The following PLPPR5 variants were observed in gnomAD, a reference collection of about 807,000 sequenced individuals.
PLPPR5 encodes the protein phospholipid phosphatase related 5.
A neutral mutation model predicts 33.9 loss-of-function variants in PLPPR5; 16 were observed. That is an observed-to-expected ratio of 0.47 (90% CI 0.32 to 0.72). PLPPR5 has a LOEUF of 0.72. Ranked by LOEUF, PLPPR5 falls within the 30% of genes least tolerant of loss-of-function variation. The pLI, the probability that PLPPR5 is intolerant of heterozygous loss-of-function variation, is 0.03. For synonymous variants in PLPPR5, 163 were observed against 150.3 expected, an observed-to-expected ratio of 1.08 and a Z score of -0.62; for missense variants, 301 against 406.7, an observed-to-expected ratio of 0.74 and a Z score of 2.23.
intron 3 of PLPPR5, among the ~76,000 whole-genome samples, chr1:98,926,594 C>T (rs1009014380): frequency 1.3e-5 from 2 of 151,932 alleles, no homozygotes; most frequent in East Asian, 3.9e-4. Context: ...TCAAGTTCCC[C>T]TTACCCTGGG....
chr1:98,976,219 A>G (rs1030714830), intron 1 of PLPPR5, among the ~76,000 whole-genome samples: 2 of 151,974 alleles, frequency 1.3e-5, no homozygotes, highest in African/African-American at 4.8e-5. Flanking sequence ...CACACATAGT[A>G]ATGAATCTTT....
intron 3 of PLPPR5, among the ~76,000 whole-genome samples, chr1:98,939,213 ATCT>A (rs1557676720): frequency 6.6e-6 from 1 of 151,860 alleles, no homozygotes; most frequent in Non-Finnish European, 1.5e-5. Context: ...ACCTATTCTT[ATCT>A]TAAAAATAAA....
intron 1 of PLPPR5, among the ~76,000 whole-genome samples, chr1:98,973,843 G>GA (rs1026828345): frequency 1.5e-4 from 22 of 151,580 alleles, no homozygotes; most frequent in African/African-American, 4.6e-4. Flanking sequence ...AGATCCAAGT[G>GA]AGGTGCCGGT....
chr1:98,997,731 T>C (rs1053523182), intron 1 of PLPPR5, among the ~76,000 whole-genome samples: 3 of 152,234 alleles, frequency 2.0e-5, no homozygotes, highest in African/African-American at 4.8e-5. Flanking sequence ...CAAGCAGTGC[T>C]AACCATCTCC....
intron 3 of PLPPR5, among the ~76,000 whole-genome samples, chr1:98,937,672 C>T (rs934877318): frequency 6.6e-6 from 1 of 152,106 alleles, no homozygotes; most frequent in Non-Finnish European, 1.5e-5. Context: ...TATCAAGTCA[C>T]CTTTGAAGTC....
chr1:98,961,725 A>T (rs771952698), intron 1 of PLPPR5, among the ~76,000 whole-genome samples: 10 of 152,142 alleles, frequency 6.6e-5, no homozygotes, highest in Non-Finnish European at 1.0e-4. Context: ...ACCAGGTCAT[A>T]TTGACTCTAA....
chr1:98,908,624 G>A (rs1281855277), intron 5 of PLPPR5, among the ~76,000 whole-genome samples: 1 of 152,118 alleles, frequency 6.6e-6, no homozygotes, highest in African/African-American at 2.4e-5. Flanking sequence ...AGGAGATTTG[G>A]ATCCCTGGGT....
intron 2 of PLPPR5, among the ~76,000 whole-genome samples, chr1:98,954,721 C>T (rs1321763924): frequency 6.6e-6 from 1 of 152,002 alleles, no homozygotes; most frequent in African/African-American, 2.4e-5. Flanking sequence ...TTGTTTGAAT[C>T]ATACAAAGTA....
intron 1 of PLPPR5, among the ~76,000 whole-genome samples, chr1:98,970,698 T>C (rs903620537): frequency 2.6e-5 from 4 of 151,886 alleles, no homozygotes; most frequent in African/African-American, 9.7e-5. Flanking sequence ...GTAAGGAAAC[T>C]GAGGCACAAA....
Position 98,955,500 on chromosome 1 carries a change from T to C in PLPPR5, c.370+1109A>G, listed in dbSNP as rs1570730717. Among the ~76,000 whole-genome samples, 3 of 152,066 alleles carry C rather than the reference T, an allele frequency of 2.0e-5. No homozygotes were observed. In the East Asian group the frequency reaches 5.8e-4, roughly 29 times the overall value. ...ATTGATACATGTGAAAAAATAACTT[T>C]TAAGGTTTCATATAAAAGTTGTCCC... is the stretch of plus-strand genomic sequence containing the variant. On this transcript the variant is annotated intron_variant, in intron 2 of 5. Transcript: ENST00000263177.
intron 2 of PLPPR5, among the ~76,000 whole-genome samples, chr1:98,954,452 A>G (rs1650927593): frequency 6.6e-6 from 1 of 152,134 alleles, no homozygotes; most frequent in African/African-American, 2.4e-5. Context: ...TTGTTTCCCA[A>G]GCCTTTTCAT....
At chr1:98,893,970 T>C (rs1648378233) in intron 5 of PLPPR5, among the ~76,000 whole-genome samples, 1 of 152,078 alleles carries the variant, frequency 6.6e-6, no homozygotes. Context: ...TGCCATAAAA[T>C]GTTCTCAACA....
At chr1:98,911,794 C>A (rs909382702) in intron 5 of PLPPR5, among the ~76,000 whole-genome samples, 1 of 151,798 alleles carries the variant, frequency 6.6e-6, no homozygotes, top group African/African-American at 2.4e-5. Flanking sequence ...GGTTCTCCAT[C>A]TGTTGCCCAG....
intron 5 of PLPPR5, among the ~76,000 whole-genome samples, chr1:98,902,145 ATATTT>A (rs1003982435): frequency 1.6e-4 from 25 of 152,088 alleles, no homozygotes; most frequent in African/African-American, 6.0e-4. Flanking sequence ...ATGACTTCAC[ATATTT>A]TATATGTGAA....
intron 1 of PLPPR5, among the ~76,000 whole-genome samples, chr1:98,970,079 T>C (rs1651607664): frequency 1.3e-5 from 2 of 152,072 alleles, no homozygotes; most frequent in African/African-American, 4.8e-5. Flanking sequence ...CCAGAACAAA[T>C]GTCTTTTAAG....
chr1:98,898,614 T>C (rs1648571312), intron 5 of PLPPR5, among the ~76,000 whole-genome samples: 1 of 152,142 alleles, frequency 6.6e-6, no homozygotes, highest in African/African-American at 2.4e-5. Flanking sequence ...AAGAAGAAAT[T>C]AGTTAAACTC....
At chr1:98,968,889 T>C (rs1386154208) in intron 1 of PLPPR5, among the ~76,000 whole-genome samples, 1 of 152,038 alleles carries the variant, frequency 6.6e-6, no homozygotes, top group Non-Finnish European at 1.5e-5. Context: ...CCCAATCCCA[T>C]GCAGTCTAGT....
chr1:98,999,315 C>T (rs1429362823), intron 1 of PLPPR5, among the ~76,000 whole-genome samples: 1 of 152,120 alleles, frequency 6.6e-6, no homozygotes, highest in Non-Finnish European at 1.5e-5. Flanking sequence ...TCCTGTGAGG[C>T]CAGTACTTAT....
At chr1:98,966,971 G>A (rs553927310) in intron 1 of PLPPR5, among the ~76,000 whole-genome samples, 3 of 152,108 alleles carry the variant, frequency 2.0e-5, no homozygotes, top group African/African-American at 7.2e-5. Flanking sequence ...TCTGGGGGTG[G>A]GGGTCTGGCC....
Sources: gnomAD v4.1 joint callset for allele counts (sites outside exome capture counted in the v4.1 genomes callset) on GRCh38, gnomAD v4.1.1 for gene constraint, MANE v1.5 for transcripts, NCBI Gene and HGNC (gene_info 2026-07-23, HGNC 2026-07-21) for gene names.